DIDO1: variants seen among roughly 807,000 people sequenced by gnomAD.
The protein encoded by DIDO1 is death-inducer obliterator 1.
A neutral mutation model predicts 99.4 loss-of-function variants in DIDO1; 16 were observed. That is an observed-to-expected ratio of 0.16 (90% CI 0.11 to 0.24). The LOEUF is 0.24. DIDO1 is among the 10% of genes least tolerant of loss of function. The pLI, the probability that DIDO1 is intolerant of heterozygous loss-of-function variation, is 1.00. For synonymous variants in DIDO1, 1,366 were observed against 1,239.1 expected (o/e 1.10, Z -2.15); for missense variants, 2,996 against 3,014.0 (o/e 0.99, Z 0.14).
rs772648334 is a variant in DIDO1, at chr20:62,880,966, G to A, written c.4990C>T (p.Pro1664Ser). ...AAGCCGGGCTGCAGGGCGCCGCAAG[G>A]CGGTGTGGGCAGCAGCACCCTCCGG... is the stretch of plus-strand genomic sequence containing the variant. The part of the protein sequence containing the change: ...PARRVLLPTP[P>S]CGALQPGFPL... The change falls in exon 16 of 16, where the codon CCT becomes TCT. Residue 1664 changes from proline (P) to serine (S), a missense_variant. This residue lies in a region of DIDO1 where 1,562 missense variants were observed against 1,412.6 expected (regional missense o/e 1.11). Transcript: ENST00000395343. 1.2e-6 allele frequency: 2 copies of A among 1,606,784 alleles called. No individual in the cohort carries two copies. Among genetic ancestry groups the A allele is most frequent in the Non-Finnish European group, 1.7e-6 (2 of 1,179,468 alleles).
At chr20:62,882,612 G>A (rs553048861) in intron 15 of DIDO1, among the ~76,000 whole-genome samples, 198 bp from the exon 16 acceptor site, 6 of 152,262 alleles carry the variant, frequency 3.9e-5, no homozygotes, top group South Asian at 2.1e-4. Flanking sequence ...CCCCGGGAAC[G>A]AGCTGGGAAC....
chr20:62,914,900 A>G (rs1374263594), intron 1 of DIDO1, among the ~76,000 whole-genome samples: 1 of 152,254 alleles, frequency 6.6e-6, no homozygotes, highest in African/African-American at 2.4e-5. Flanking sequence ...GAAAAATTTT[A>G]GAATACTAAT....
chr20:62,900,753 T>G (rs1021905438), intron 6 of DIDO1, among the ~76,000 whole-genome samples: 2 of 152,206 alleles, frequency 1.3e-5, no homozygotes. Flanking sequence ...CTGGCTGGTT[T>G]AGGGAAGCTG....
At chr20:62,935,099 C>A (rs909892344) in intron 1 of DIDO1, among the ~76,000 whole-genome samples, 1 of 152,170 alleles carries the variant, frequency 6.6e-6, no homozygotes, top group African/African-American at 2.4e-5. Flanking sequence ...ACCTTTCCCT[C>A]GTTGTTGCAC....
Position 62,911,262 on chromosome 20 carries a change from G to A in DIDO1, c.351C>T (p.Ser117=), listed in dbSNP as rs149151543. The A allele has an allele frequency of 7.7e-5, 124 of 1,612,954 alleles. No homozygotes were observed. The Middle Eastern group carries it at 2.3e-3, about 30-fold the overall frequency. ...AETASEGSVE[S]ASETRSGPQS... Reference sequence around the variant, plus strand: ...GGGGGCCGCTTCTGGTCTCAGAAGCGCTTTCCACGCTGCCCTCGGAGGCTG... The same window carrying A: ...GGGGGCCGCTTCTGGTCTCAGAAGCACTTTCCACGCTGCCCTCGGAGGCTG... The change falls in exon 3 of 16, where the codon AGC becomes AGT. Residue 117 remains serine (S), a synonymous_variant. Transcript: ENST00000395343. This position sits in a 1 kb window ranked among gnomAD's most constrained non-coding sequence, Gnocchi z 7.0.
upstream of DIDO1, chr20:62,928,860 A>C (rs1205181975): frequency 1.3e-5 from 2 of 152,204 alleles, no homozygotes; most frequent in Non-Finnish European, 2.9e-5. Context: ...AAATAGGTGT[A>C]AACAGTACAC....
In DIDO1 at chr20:62,894,927, A is replaced by C. The variant is rs374148538; in HGVS notation, c.2332-13T>G. On this transcript the variant is annotated splice_polypyrimidine_tract_variant and intron_variant, in intron 9 of 15. Transcript: ENST00000395343. This position sits in a 1 kb window ranked among gnomAD's most constrained non-coding sequence, Gnocchi z 4.4. ...TGGACTCCATCACCTGAAATGAAAA[A>C]GACGAAACAGAGCTTAGGCCTTGTT... 1.2e-6 allele frequency: 2 copies of C among 1,611,888 alleles called. No individual in the cohort carries two copies. The highest frequency in any genetic ancestry group is 2.2e-5 in the South Asian group (2 of 90,832).
chr20:62,886,097 G>A (rs2064293281), intron 15 of DIDO1, among the ~76,000 whole-genome samples: 1 of 152,366 alleles, frequency 6.6e-6, no homozygotes, highest in South Asian at 2.1e-4. Context: ...GGGTGGCACA[G>A]GGCACGGTAG....
At chr20:62,908,223 C>CAAG (rs1354622040) in intron 4 of DIDO1, among the ~76,000 whole-genome samples, 1 of 152,152 alleles carries the variant, frequency 6.6e-6, no homozygotes, top group Non-Finnish European at 1.5e-5. Context: ...TCAAGTGATC[C>CAAG]TCCCATCTTG....
intron 15 of DIDO1, among the ~76,000 whole-genome samples, chr20:62,886,006 G>A (rs934525817): frequency 6.6e-6 from 1 of 152,238 alleles, no homozygotes; most frequent in Non-Finnish European, 1.5e-5. Flanking sequence ...CTGCCCCGTG[G>A]TGTGTGAGCC....
intron 1 of DIDO1, among the ~76,000 whole-genome samples, chr20:62,923,678 G>C (rs2065198802): frequency 6.6e-6 from 1 of 152,162 alleles, no homozygotes. Flanking sequence ...TTTACATAAT[G>C]TTTAAGTTTC....
chr20:62,931,725 G>A (rs2065334015), intron 1 of DIDO1, among the ~76,000 whole-genome samples: 1 of 152,206 alleles, frequency 6.6e-6, no homozygotes, highest in South Asian at 2.1e-4. Context: ...ATGGGCCCCG[G>A]CCCCATTCTT....
chr20:62,898,253 A>G (rs903273993), intron 6 of DIDO1, among the ~76,000 whole-genome samples: 3 of 152,236 alleles, frequency 2.0e-5, no homozygotes, highest in African/African-American at 7.2e-5. Context: ...AGCCTGCCCC[A>G]GCTTGGTCCT....
chr20:62,905,722 C>T, intron 6 of DIDO1, 165 bp downstream of exon 6: 2 of 1,607,052 alleles, frequency 1.2e-6, no homozygotes. Flanking sequence ...CACAGGGCAG[C>T]AGGAGGCATC....
upstream of DIDO1, chr20:62,928,634 C>G (rs1282520929): frequency 6.6e-6 from 1 of 152,314 alleles, no homozygotes; most frequent in East Asian, 1.9e-4. Context: ...TTTTTCCTAA[C>G]CGAATTTATT....
chr20:62,895,507 A>G (rs921170602), intron 8 of DIDO1, among the ~76,000 whole-genome samples: 1 of 152,254 alleles, frequency 6.6e-6, no homozygotes, highest in African/African-American at 2.4e-5. Context: ...TTATGTACAC[A>G]AGGTGGACAC....
chr20:62,906,688 T>C (rs1156673682), intron 5 of DIDO1, among the ~76,000 whole-genome samples: 2 of 123,842 alleles, frequency 1.6e-5, no homozygotes, highest in Admixed American at 1.6e-4. Flanking sequence ...AGACAAGAGT[T>C]TGCGATCTCT....
Position 62,893,677 on chromosome 20 carries a change from T to G in DIDO1, c.3090A>C (p.Ser1030=). ...PDPRYLSVPP[S]PNISTSESRS... ...CCTGAAGTACGCACCTGATATTTGG[T>G]GACGGAGGAACTGACAGGTATCTTG... The change falls in exon 12 of 16, where the codon TCA becomes TCC. Residue 1030 remains serine, a synonymous_variant. Coordinates refer to ENST00000395343, the MANE Select transcript of DIDO1 (RefSeq NM_001193369.2). 1.3e-6 allele frequency: 2 copies of G among 1,599,768 alleles called. No individual in the cohort carries two copies. The highest frequency in any genetic ancestry group is 1.7e-6 in the Non-Finnish European group (2 of 1,168,320).
intron 15 of DIDO1, among the ~76,000 whole-genome samples, chr20:62,884,172 C>T (rs922387750): frequency 1.3e-5 from 2 of 151,322 alleles, no homozygotes; most frequent in East Asian, 2.0e-4. Flanking sequence ...GTGGACGACG[C>T]GCACTGGGGG....
Sources: allele counts gnomAD v4.1 joint callset (sites outside exome capture counted in the v4.1 genomes callset), GRCh38; gene constraint gnomAD v4.1.1; regional missense constraint gnomAD v4.1.1; non-coding constraint Gnocchi (gnomAD v3.1); transcripts MANE v1.5; gene names NCBI Gene and HGNC (gene_info 2026-07-23, HGNC 2026-07-21).